Variants in RORB observed in about 807,000 individuals in gnomAD.
The protein encoded by RORB is RAR related orphan receptor B, also known as nuclear receptor ROR-beta.
In RORB, 6 loss-of-function variants were observed where a neutral mutation model predicts 59.1. The observed-to-expected ratio is 0.10, with a 90% CI of 0.06 to 0.20. RORB has a LOEUF of 0.20. RORB is among the 10% of genes least tolerant of loss of function. The pLI is 1.00. For synonymous variants in RORB, 215 were observed against 204.5 expected (o/e 1.05, Z -0.44); for missense variants, 320 against 560.5 (o/e 0.57, Z 4.33).
At chr9:74,565,620 T>C (rs890564940) in intron 1 of RORB, among the ~76,000 whole-genome samples, 3 of 152,208 alleles carry the variant, frequency 2.0e-5, no homozygotes, top group Non-Finnish European at 4.4e-5. Flanking sequence ...GAAAATTATT[T>C]ATCTTTACAT....
At chr9:74,526,416 C>G (rs777402012) in intron 1 of RORB, among the ~76,000 whole-genome samples, 1 of 151,836 alleles carries the variant, frequency 6.6e-6, no homozygotes, top group African/African-American at 2.4e-5. Context: ...TGGAGCTCGC[C>G]TTCCTTCCCC....
intron 1 of RORB, among the ~76,000 whole-genome samples, chr9:74,511,274 C>A (rs764022592): frequency 5.3e-5 from 8 of 151,894 alleles, no homozygotes; most frequent in Non-Finnish European, 1.0e-4. Context: ...ATCGTCCTGA[C>A]CTCACTAAAC....
chr9:74,502,245 C>T (rs1392460657), intron 1 of RORB, among the ~76,000 whole-genome samples: 5 of 151,972 alleles, frequency 3.3e-5, no homozygotes, highest in African/African-American at 7.2e-5. Context: ...TTTTACTACA[C>T]CAAATTACAA....
chr9:74,625,351 T>C (rs1204539679), intron 1 of RORB, among the ~76,000 whole-genome samples: 3 of 152,218 alleles, frequency 2.0e-5, no homozygotes, highest in African/African-American at 7.2e-5. Context: ...TGGTGGCTCA[T>C]GCCTGTAATT....
intron 1 of RORB, among the ~76,000 whole-genome samples, chr9:74,573,688 A>C (rs1345588961): frequency 6.6e-6 from 1 of 152,112 alleles, no homozygotes; most frequent in Admixed American, 6.6e-5. Flanking sequence ...GTTGCTTCTC[A>C]GAGCAATAAC....
intron 1 of RORB, among the ~76,000 whole-genome samples, chr9:74,603,749 C>T (rs1482613601): frequency 1.3e-5 from 2 of 152,314 alleles, no homozygotes; most frequent in African/African-American, 4.8e-5. Context: ...ATAGATGGCT[C>T]TAATACATCA....
At chr9:74,563,184 C>CTTTTT (rs766404071) in intron 1 of RORB, among the ~76,000 whole-genome samples, 9 of 127,100 alleles carry the variant, frequency 7.1e-5, no homozygotes, top group African/African-American at 1.2e-4. Flanking sequence ...TCTCTTCAGT[C>CTTTTT]TTTTTTTTTT....
At chr9:74,675,301 G>GA (rs5898373) in intron 9 of RORB, among the ~76,000 whole-genome samples, 57,850 of 145,160 alleles carry the variant, frequency 0.4, 11,897 homozygotes, top group East Asian at 0.68. Context: ...TAAAGCTCAT[G>GA]AAAAAAAAAA....
At chr9:74,605,507 GT>G (rs1823135795) in intron 1 of RORB, among the ~76,000 whole-genome samples, 1 of 152,198 alleles carries the variant, frequency 6.6e-6, no homozygotes, top group African/African-American at 2.4e-5. Flanking sequence ...TAGCAAGGAA[GT>G]GACCCGGTGT....
In RORB at chr9:74,615,501, G is replaced by A. The variant is rs1488161849; in HGVS notation, c.8-14781G>A. ...TCATTTAATCTCATTAATGCAGCCT[G>A]TTGGGATTGAAGTTGTGGGTTAACG... is the stretch of plus-strand genomic sequence containing the variant. On this transcript the variant is annotated intron_variant, in intron 1 of 9. Coordinates refer to ENST00000376896, the MANE Select transcript of RORB (RefSeq NM_006914.4). The A allele has an allele frequency of 3.5e-5, 12 of 346,718 alleles. No individual in the cohort carries two copies. The Admixed American group carries it at 3.7e-4, about 11-fold the overall frequency. The allele number at this position is 346,718 out of a possible 1,614,324, so 21.5% of individuals were successfully genotyped here. A position where few individuals can be genotyped will look rare whatever the true frequency, so the allele number is the denominator to read the frequency against.
intron 3 of RORB, among the ~76,000 whole-genome samples, chr9:74,639,568 A>G (rs1199818379): frequency 1.3e-5 from 2 of 150,204 alleles, no homozygotes; most frequent in Non-Finnish European, 1.5e-5. Flanking sequence ...CTTATTCTCA[A>G]TCTTTAATTC....
intron 1 of RORB, among the ~76,000 whole-genome samples, chr9:74,529,994 T>C (rs572762679): frequency 1.3e-5 from 2 of 152,020 alleles, no homozygotes; most frequent in Non-Finnish European, 2.9e-5. Context: ...ATCAGACTGA[T>C]GGTGTGCCCA....
intron 1 of RORB, among the ~76,000 whole-genome samples, chr9:74,600,344 C>A (rs1014725826): frequency 2.6e-5 from 4 of 152,188 alleles, no homozygotes; most frequent in African/African-American, 4.8e-5. Flanking sequence ...GTGATGGTGT[C>A]TTTAATCACA....
chr9:74,512,089 T>C (rs1000712749), intron 1 of RORB, among the ~76,000 whole-genome samples: 1 of 152,202 alleles, frequency 6.6e-6, no homozygotes, highest in African/African-American at 2.4e-5. Flanking sequence ...ATTAATACTG[T>C]GCTTTTTGTC....
intron 1 of RORB, among the ~76,000 whole-genome samples, chr9:74,561,139 A>G (rs1353075137): frequency 6.6e-6 from 1 of 152,132 alleles, no homozygotes; most frequent in African/African-American, 2.4e-5. Flanking sequence ...GAAATATTAG[A>G]ATCAAATTAT....
chr9:74,656,308 C>G (rs953307110), intron 4 of RORB, among the ~76,000 whole-genome samples: 1 of 152,262 alleles, frequency 6.6e-6, no homozygotes, highest in African/African-American at 2.4e-5. Flanking sequence ...TGTAGCTCCT[C>G]CACTCCATCT....
At chr9:74,514,473 G>A (rs543673112) in intron 1 of RORB, among the ~76,000 whole-genome samples, 1 of 151,910 alleles carries the variant, frequency 6.6e-6, no homozygotes, top group South Asian at 2.1e-4. Context: ...AAAACAGGTG[G>A]CAGGCTGTTG....
intron 4 of RORB, among the ~76,000 whole-genome samples, chr9:74,652,549 T>C (rs911866725): frequency 3.9e-5 from 6 of 152,212 alleles, no homozygotes; most frequent in African/African-American, 1.2e-4. Context: ...TTCCATTTCA[T>C]AGTTTATTGA....
intron 9 of RORB, among the ~76,000 whole-genome samples, chr9:74,676,904 C>T (rs1480558447): frequency 1.3e-5 from 2 of 152,164 alleles, no homozygotes; most frequent in African/African-American, 4.8e-5. Context: ...TAAGGGTAGC[C>T]ATGGAAAGAG....
Sources: gnomAD v4.1 joint callset for allele counts (sites outside exome capture counted in the v4.1 genomes callset) on GRCh38, gnomAD v4.1.1 for gene constraint, MANE v1.5 for transcripts, NCBI Gene and HGNC (gene_info 2026-07-23, HGNC 2026-07-21) for gene names.